The following RAP2A variants were observed in gnomAD, a reference collection of about 807,000 sequenced individuals.
RAP2A encodes the protein RAP2A, member of RAS oncogene family, also known as ras-related protein Rap-2a.
In RAP2A, 5 loss-of-function variants were observed where a neutral mutation model predicts 15.1. The ratio of observed to expected loss-of-function variants is 0.33; its 90% CI spans 0.17 to 0.70. RAP2A has a LOEUF of 0.70. RAP2A is among the 30% of genes least tolerant of loss of function. The pLI is 0.68. For missense variants in RAP2A, 111 were observed against 240.3 expected (o/e 0.46, Z 3.56); for synonymous variants, 110 against 99.7 (o/e 1.10, Z -0.62).
At chr13:97,451,556 T>A (rs531728206) in intron 1 of RAP2A, among the ~76,000 whole-genome samples, 1 of 152,282 alleles carries the variant, frequency 6.6e-6, no homozygotes, top group East Asian at 1.9e-4. Flanking sequence ...TATACCAGGA[T>A]TTCATTAATT....
intron 1 of RAP2A, chr13:97,441,741 G>GT (rs776451224): frequency 2.3e-6 from 1 of 442,184 alleles, no homozygotes; most frequent in South Asian, 1.6e-5. Context: ...CTTACCTACT[G>GT]TTTTTTTACA....
Position 97,452,762 on chromosome 13 carries a change from C to G in RAP2A, c.315-11443C>G, listed in dbSNP as rs187250845. 8.0e-4 allele frequency among the ~76,000 whole-genome samples: 121 copies of G among 151,216 alleles called. 1 individual carries two copies. The highest frequency in any genetic ancestry group is 2.4e-4 in the Non-Finnish European group (16 of 67,744). ...TTATGTGTTAATAATATTGCATCTTCCAGTAAGTAAATGTTATATATCTTT... is the reference window on the plus strand; with the variant it reads ...TTATGTGTTAATAATATTGCATCTTGCAGTAAGTAAATGTTATATATCTTT... On this transcript the variant is annotated intron_variant, in intron 1 of 1. Transcript: ENST00000245304.
At chr13:97,454,301 T>C in intron 1 of RAP2A, among the ~76,000 whole-genome samples, 1 of 151,222 alleles carries the variant, frequency 6.6e-6, no homozygotes, top group Non-Finnish European at 1.5e-5. Context: ...TGTTTAAACC[T>C]GCGTTTAATG....
At chr13:97,447,423 ATTAT>A (rs2066684427) in intron 1 of RAP2A, among the ~76,000 whole-genome samples, 1 of 152,204 alleles carries the variant, frequency 6.6e-6, no homozygotes, top group African/African-American at 2.4e-5. Flanking sequence ...GAAAGAGTCT[ATTAT>A]TTGGTGGTGC....
chr13:97,462,256 T>G (rs1418427236), intron 1 of RAP2A, among the ~76,000 whole-genome samples: 10 of 151,978 alleles, frequency 6.6e-5, no homozygotes, highest in Non-Finnish European at 1.2e-4. Flanking sequence ...CAAAGCATTT[T>G]AAAGTACACT....
At chr13:97,453,402 C>G (rs576605214) in intron 1 of RAP2A, among the ~76,000 whole-genome samples, 12 of 151,362 alleles carry the variant, frequency 7.9e-5, no homozygotes, top group African/African-American at 2.4e-4. Context: ...TCCTTAGTCC[C>G]TGCCAACCAT....
rs969152670 is a variant in RAP2A at position 97,466,894 on chromosome 13, A to G, written c.*2452A>G. The G allele has an allele frequency of 6.6e-6, 1 of 152,238 alleles. No homozygotes were observed. Among genetic ancestry groups the G allele is most frequent in the African/African-American group, 2.4e-5 (1 of 41,474 alleles). 9.4% of individuals were successfully genotyped at this position (152,238 alleles called of 1,614,324 possible). A position where few individuals can be genotyped will look rare whatever the true frequency, so the allele number is the denominator to read the frequency against. On this transcript the variant is annotated 3_prime_UTR_variant, in exon 2 of 2. Coordinates refer to ENST00000245304, the MANE Select transcript of RAP2A (RefSeq NM_021033.7). ...ATTCATATCCATCTGGTATGAATAT[A>G]TAACTCAGCTGGCAAATGAATGTGT... is the stretch of plus-strand genomic sequence containing the variant.
rs771142575 is a variant in RAP2A at position 97,434,584 on chromosome 13, C to T, written c.114C>T (p.Asp38=). 1.2e-6 allele frequency: 2 copies of T among 1,614,164 alleles called. No homozygotes were observed. The highest frequency in any genetic ancestry group is 1.6e-4 in the Middle Eastern group (1 of 6,062). ...FIEKYDPTIE[D]FYRKEIEVDS... is the part of the protein sequence containing the mutation. Reference sequence around the variant, plus strand: ...AGAAATACGACCCCACCATCGAGGACTTCTACCGCAAGGAGATCGAGGTGG... The same window carrying T: ...AGAAATACGACCCCACCATCGAGGATTTCTACCGCAAGGAGATCGAGGTGG... The change falls in exon 1 of 2, where the codon GAC becomes GAT. Residue 38 remains aspartate (D), a synonymous_variant. Transcript: ENST00000245304.
chr13:97,454,140 A>G (rs1471679377), intron 1 of RAP2A, among the ~76,000 whole-genome samples: 1 of 151,296 alleles, frequency 6.6e-6, no homozygotes, highest in Middle Eastern at 3.2e-3. Context: ...TTTAATTTTG[A>G]TGAAATCTAA....
chr13:97,461,398 C>A (rs1566475545), intron 1 of RAP2A, among the ~76,000 whole-genome samples: 1 of 152,056 alleles, frequency 6.6e-6, no homozygotes, highest in East Asian at 1.9e-4. Flanking sequence ...AGGCCACTGA[C>A]AAGTTAGTGA....
chr13:97,450,896 C>G (rs1369821509), intron 1 of RAP2A, among the ~76,000 whole-genome samples: 1 of 152,070 alleles, frequency 6.6e-6, no homozygotes. Flanking sequence ...GCCTGAAGAG[C>G]ACTGTGGTCA....
At chr13:97,458,329 T>A (rs1190926129) in intron 1 of RAP2A, among the ~76,000 whole-genome samples, 2 of 152,208 alleles carry the variant, frequency 1.3e-5, no homozygotes, top group Admixed American at 6.5e-5. Context: ...AAGTATGACC[T>A]TCTTTAAATA....
intron 1 of RAP2A, among the ~76,000 whole-genome samples, chr13:97,446,607 G>A (rs368803301): frequency 2.6e-5 from 4 of 152,178 alleles, no homozygotes; most frequent in African/African-American, 4.8e-5. Context: ...CCAGTTTGGG[G>A]CCTAATCTCT....
At chr13:97,444,438 C>G (rs557941420) in intron 1 of RAP2A, among the ~76,000 whole-genome samples, 2 of 152,268 alleles carry the variant, frequency 1.3e-5, no homozygotes, top group South Asian at 2.1e-4. Flanking sequence ...ATAATTTTAA[C>G]AGTCTTTATG....
At chr13:97,450,594 G>A (rs975976372) in intron 1 of RAP2A, among the ~76,000 whole-genome samples, 1 of 151,506 alleles carries the variant, frequency 6.6e-6, no homozygotes, top group African/African-American at 2.4e-5. Flanking sequence ...ACACATTCAA[G>A]TATCAAATAC....
intron 1 of RAP2A, among the ~76,000 whole-genome samples, chr13:97,458,057 C>CT (rs1325335822): frequency 6.6e-6 from 1 of 152,060 alleles, no homozygotes; most frequent in African/African-American, 2.4e-5. Context: ...AATGGGTTGC[C>CT]TGTAGGTATG....
At chr13:97,463,546 G>C (rs1566476092) in intron 1 of RAP2A, among the ~76,000 whole-genome samples, 1 of 152,116 alleles carries the variant, frequency 6.6e-6, no homozygotes, top group Non-Finnish European at 1.5e-5. Context: ...GATGGGGTGT[G>C]GTTGTATTTG....
At chr13:97,463,339 T>C (rs1325446092) in intron 1 of RAP2A, among the ~76,000 whole-genome samples, 1 of 152,212 alleles carries the variant, frequency 6.6e-6, no homozygotes, top group South Asian at 2.1e-4. Flanking sequence ...GCTTCTTTCT[T>C]TGTTCTTTCT....
At chr13:97,442,275 C>G (rs1240744588) in intron 1 of RAP2A, among the ~76,000 whole-genome samples, 1 of 152,196 alleles carries the variant, frequency 6.6e-6, no homozygotes, top group African/African-American at 2.4e-5. Context: ...AATTCTTTCT[C>G]TGGCATAATT....
Sources: gnomAD v4.1 joint callset for allele counts (sites outside exome capture counted in the v4.1 genomes callset) on GRCh38, gnomAD v4.1.1 for gene constraint, MANE v1.5 for transcripts, NCBI Gene and HGNC (gene_info 2026-07-23, HGNC 2026-07-21) for gene names.